The following POLR3B variants were observed in gnomAD, a reference collection of about 807,000 sequenced individuals.
POLR3B encodes RNA polymerase III subunit B, also known as DNA-directed RNA polymerase III subunit RPC2.
In POLR3B, 96 loss-of-function variants were observed where a neutral mutation model predicts 147.4. That is an observed-to-expected ratio of 0.65 (90% CI 0.55 to 0.77). The LOEUF is 0.77. Ranked by LOEUF, POLR3B falls within the 30% of genes least tolerant of loss-of-function variation. The probability of loss-of-function intolerance (pLI) is 0.00; values close to 1 mark genes in which losing one functional copy is unlikely to be tolerated. For synonymous variants in POLR3B, 461 were observed against 485.9 expected, an observed-to-expected ratio of 0.95 and a Z score of 0.67; for missense variants, 1,036 against 1,413.5, an observed-to-expected ratio of 0.73 and a Z score of 4.28.
At chr12:106,365,073 T>G (rs2036515703) in intron 2 of POLR3B, among the ~76,000 whole-genome samples, 1 of 152,094 alleles carries the variant, frequency 6.6e-6, no homozygotes, top group African/African-American at 2.4e-5. Flanking sequence ...AGGCAGAGGT[T>G]GCAGTGAGCC....
intron 14 of POLR3B, among the ~76,000 whole-genome samples, chr12:106,431,790 A>G (rs1374883244): frequency 6.6e-6 from 1 of 152,138 alleles, no homozygotes; most frequent in Non-Finnish European, 1.5e-5. Flanking sequence ...TTTAGTTGTC[A>G]TGTCTCCTTG....
At chr12:106,414,887 A>G (rs1362297578) in intron 12 of POLR3B, among the ~76,000 whole-genome samples, 3 of 152,200 alleles carry the variant, frequency 2.0e-5, no homozygotes, top group Non-Finnish European at 4.4e-5. Context: ...TACATGTTCT[A>G]AAATAGTTTA....
chr12:106,414,239 A>AAG (rs2037270961), intron 12 of POLR3B, among the ~76,000 whole-genome samples: 2 of 151,604 alleles, frequency 1.3e-5, no homozygotes, highest in East Asian at 3.9e-4. Flanking sequence ...AAAAAAAAAA[A>AAG]AATTCCAATC....
chr12:106,427,112 T>TA, intron 12 of POLR3B, 85 bp from the exon 13 acceptor site: 1 of 925,820 alleles, frequency 1.1e-6, no homozygotes, highest in Non-Finnish European at 1.6e-6. Context: ...TCTTATTTTT[T>TA]AAAAATCTTA....
intron 4 of POLR3B, among the ~76,000 whole-genome samples, chr12:106,368,687 G>A (rs1290389060): frequency 6.6e-6 from 1 of 151,964 alleles, no homozygotes. Flanking sequence ...TGTCTCCCAG[G>A]GTTACTTACA....
At chr12:106,409,773 AAAG>A (rs1420569893) in intron 11 of POLR3B, among the ~76,000 whole-genome samples, 2 of 152,012 alleles carry the variant, frequency 1.3e-5, no homozygotes, top group Non-Finnish European at 2.9e-5. Flanking sequence ...TAAGGTAAGT[AAAG>A]AAGAAATTTT....
intron 23 of POLR3B, among the ~76,000 whole-genome samples, chr12:106,471,260 CCAA>C (rs2038086987): frequency 1.3e-5 from 2 of 152,156 alleles, no homozygotes; most frequent in Admixed American, 1.3e-4. Flanking sequence ...GGGCATGAGA[CCAA>C]CCAAGCCCAG....
rs749912429 is a variant in POLR3B at position 106,496,775 on chromosome 12, G to A, written c.2841G>A (p.Leu947=). ...AGGTGGGGAAGCTCATTGAGCTGCT[G>A]GCTGGCAAGGCCGGTGTGCTGGACG... The part of the protein sequence containing the change: ...RMTVGKLIEL[L]AGKAGVLDGR... Residue 947 remains leucine, a synonymous_variant, in exon 25 of 28, where the codon CTG becomes CTA. Transcript: ENST00000228347. 6.2e-7 allele frequency: 1 copy of A among 1,614,168 alleles called. No homozygotes were observed. The highest frequency in any genetic ancestry group is 1.1e-5 in the South Asian group (1 of 91,086).
intron 19 of POLR3B, among the ~76,000 whole-genome samples, chr12:106,450,872 C>T (rs142618370): frequency 1.3e-5 from 2 of 152,212 alleles, no homozygotes; most frequent in African/African-American, 4.8e-5. Context: ...AATGAAAAAA[C>T]ATACAAAGAC....
At chr12:106,406,985 G>A (rs1308150265) in intron 11 of POLR3B, among the ~76,000 whole-genome samples, 3 of 152,146 alleles carry the variant, frequency 2.0e-5, no homozygotes, top group Admixed American at 1.3e-4. Flanking sequence ...TGTGGAAGTC[G>A]AGAGTAACCA....
At chr12:106,421,143 G>T (rs1178814872) in intron 12 of POLR3B, among the ~76,000 whole-genome samples, 1 of 150,986 alleles carries the variant, frequency 6.6e-6, no homozygotes, top group Non-Finnish European at 1.5e-5. Context: ...GTTTTCCATT[G>T]TGTCAAGATG....
chr12:106,405,539 TACACACACACACACACACAC>T (rs71072675), intron 10 of POLR3B, among the ~76,000 whole-genome samples: 4 of 142,598 alleles, frequency 2.8e-5, no homozygotes, highest in African/African-American at 1.0e-4. Context: ...GCTATATGTC[TACACACACACACACACACAC>T]ACACACACAC....
chr12:106,364,258 G>A (rs888050946), intron 2 of POLR3B, among the ~76,000 whole-genome samples: 1 of 152,228 alleles, frequency 6.6e-6, no homozygotes, highest in Non-Finnish European at 1.5e-5. Flanking sequence ...TGCAGAGAGC[G>A]TGGCTCAATC....
intron 19 of POLR3B, among the ~76,000 whole-genome samples, chr12:106,445,891 A>C (rs2037716666): frequency 6.6e-6 from 1 of 152,238 alleles, no homozygotes; most frequent in Non-Finnish European, 1.5e-5. Context: ...CATTATGGAT[A>C]GAGAGTAGAT....
chr12:106,489,929 G>A (rs879839082), intron 23 of POLR3B, among the ~76,000 whole-genome samples: 8 of 152,098 alleles, frequency 5.3e-5, no homozygotes, highest in Non-Finnish European at 8.8e-5. Context: ...ATCCGTATGA[G>A]CCCCATCATA....
chr12:106,361,466 G>A (rs1421392322), intron 1 of POLR3B, among the ~76,000 whole-genome samples: 1 of 152,160 alleles, frequency 6.6e-6, no homozygotes, highest in Admixed American at 6.5e-5. Context: ...AGGCTGTAAG[G>A]TATCACTGCC....
intron 23 of POLR3B, among the ~76,000 whole-genome samples, chr12:106,476,804 T>G (rs1263583562): frequency 1.3e-5 from 2 of 152,148 alleles, no homozygotes; most frequent in Admixed American, 1.3e-4. Context: ...TTCTTTGCCT[T>G]TGGTTTGAAT....
chr12:106,446,114 C>T (rs2037719215), intron 19 of POLR3B: 1 of 311,482 alleles, frequency 3.2e-6, no homozygotes, highest in Admixed American at 3.9e-5. Flanking sequence ...TTCTGACTTG[C>T]TAACAAGTTG....
At chr12:106,393,271 G>A in intron 10 of POLR3B, 118 bp downstream of exon 10, 10 of 1,380,594 alleles carry the variant, frequency 7.2e-6, no homozygotes, top group Non-Finnish European at 1.0e-5. Context: ...AAGGTATTGG[G>A]GAGATATGGG....
Sources: allele counts gnomAD v4.1 joint callset (sites outside exome capture counted in the v4.1 genomes callset), GRCh38; gene constraint gnomAD v4.1.1; transcripts MANE v1.5; gene names NCBI Gene and HGNC (gene_info 2026-07-23, HGNC 2026-07-21).